Variants in TDRD3 observed in about 807,000 individuals in gnomAD.
TDRD3 encodes tudor domain containing 3.
Under a neutral mutation model 86.7 loss-of-function variants are expected in TDRD3, and 45 were observed. The observed-to-expected ratio is 0.52, with a 90% confidence interval of 0.41 to 0.67. The LOEUF (loss-of-function observed/expected upper bound fraction) is 0.67, where lower values mean the gene tolerates loss of function less well. Ranked by LOEUF, TDRD3 falls within the 30% of genes least tolerant of loss-of-function variation. The pLI, the probability that TDRD3 is intolerant of heterozygous loss-of-function variation, is 0.00. For missense variants in TDRD3, 814 were observed against 889.0 expected (o/e 0.92, Z 1.07); for synonymous variants, 298 against 301.7 (o/e 0.99, Z 0.13).
chr13:60,528,975 A>G lies in TDRD3; in HGVS notation c.1750A>G (p.Ile584Val). 1 of 1,614,078 alleles carries G rather than the reference A, an allele frequency of 6.2e-7. No homozygotes were observed. Among genetic ancestry groups the G allele is most frequent in the Non-Finnish European group, 8.5e-7 (1 of 1,179,968 alleles). Residue 584 changes from isoleucine to valine, a missense_variant, in exon 11 of 14, where the codon ATT becomes GTT. Transcript: ENST00000377881. ...YQNPVRSNSF[I>V]GVPNGEVEMP... ...GAATCCAGTTCGAAGTAATAGTTTC[A>G]TTGGTGTTCCAAATGGAGAAGTAGA...
At chr13:60,483,883 GGAAAAAGT>G in intron 6 of TDRD3, 37 bp downstream of exon 6, 1 of 1,598,268 alleles carries the variant, frequency 6.3e-7, no homozygotes, top group South Asian at 1.1e-5. Context: ...ATTTAAATTA[GGAAAAAGT>G]GTTTTTCATT....
chr13:60,504,446 G>A (rs1956893381), intron 8 of TDRD3, among the ~76,000 whole-genome samples: 1 of 152,196 alleles, frequency 6.6e-6, no homozygotes, highest in Non-Finnish European at 1.5e-5. Flanking sequence ...TGTCTGTAAA[G>A]CAGGCAGTTT....
chr13:60,414,650 G>A (rs370731432), intron 1 of TDRD3, among the ~76,000 whole-genome samples: 111 of 152,200 alleles, frequency 7.3e-4, no homozygotes, highest in African/African-American at 2.5e-3. Flanking sequence ...GTATGAATAG[G>A]GCTGCCTCAT....
chr13:60,405,895 C>T (rs769578421), intron 1 of TDRD3, among the ~76,000 whole-genome samples: 13 of 152,072 alleles, frequency 8.5e-5, no homozygotes, highest in South Asian at 2.1e-4. Flanking sequence ...AGCAGCAGAT[C>T]GACTTGACAG....
At chr13:60,537,711 A>G (rs1957728607) in intron 12 of TDRD3, 1 of 152,082 alleles carries the variant, frequency 6.6e-6, no homozygotes, top group African/African-American at 2.4e-5. Context: ...GCACAATTAC[A>G]CTATGGATTG....
chr13:60,511,457 G>C (rs1321637845), intron 10 of TDRD3, among the ~76,000 whole-genome samples: 2 of 152,228 alleles, frequency 1.3e-5, no homozygotes, highest in African/African-American at 4.8e-5. Flanking sequence ...AAAAGGCAGT[G>C]TAGCATTTGA....
chr13:60,562,513 T>C (rs1958358225), intron 12 of TDRD3, among the ~76,000 whole-genome samples: 1 of 152,214 alleles, frequency 6.6e-6, no homozygotes, highest in Non-Finnish European at 1.5e-5. Context: ...AGGTTTTATA[T>C]GAAAATCAGT....
chr13:60,480,389 A>T (rs561667953), intron 5 of TDRD3, among the ~76,000 whole-genome samples: 1 of 152,204 alleles, frequency 6.6e-6, no homozygotes, highest in East Asian at 1.9e-4. Flanking sequence ...TTCTTTTTGT[A>T]AGGCCCCTTT....
intron 12 of TDRD3, among the ~76,000 whole-genome samples, chr13:60,541,939 C>T (rs1957827177): frequency 6.6e-6 from 1 of 151,688 alleles, no homozygotes; most frequent in Admixed American, 6.6e-5. Flanking sequence ...GTTGGTCAGG[C>T]TGGTCTCGAA....
At chr13:60,454,975 G>A (rs997067844) in intron 3 of TDRD3, among the ~76,000 whole-genome samples, 9 of 151,956 alleles carry the variant, frequency 5.9e-5, no homozygotes, top group Admixed American at 3.3e-4. Flanking sequence ...GTGCAGTGGC[G>A]CGATCTCGGC....
intron 1 of TDRD3, among the ~76,000 whole-genome samples, chr13:60,406,477 T>C (rs932170999): frequency 2.0e-5 from 3 of 152,386 alleles, no homozygotes; most frequent in Non-Finnish European, 2.9e-5. Flanking sequence ...TTTTAAAATA[T>C]GGCTACAAGA....
At chr13:60,530,173 G>A (rs1464177955) in intron 11 of TDRD3, among the ~76,000 whole-genome samples, 1 of 152,004 alleles carries the variant, frequency 6.6e-6, no homozygotes, top group Non-Finnish European at 1.5e-5. Flanking sequence ...GTATCTTTTT[G>A]CACTACCATG....
intron 10 of TDRD3, among the ~76,000 whole-genome samples, chr13:60,520,999 C>T (rs1253252971): frequency 6.6e-6 from 1 of 152,150 alleles, no homozygotes; most frequent in African/African-American, 2.4e-5. Flanking sequence ...TTCTTTGTGA[C>T]TTTGTCAAAG....
At chr13:60,425,915 C>G (rs1193652753) in intron 1 of TDRD3, among the ~76,000 whole-genome samples, 2 of 152,188 alleles carry the variant, frequency 1.3e-5, no homozygotes, top group East Asian at 3.9e-4. Context: ...TATACATATA[C>G]AAAATATGTA....
At chr13:60,524,776 G>T (rs986679702) in intron 10 of TDRD3, among the ~76,000 whole-genome samples, 6 of 151,930 alleles carry the variant, frequency 3.9e-5, no homozygotes, top group African/African-American at 1.5e-4. Flanking sequence ...GAATGAAATG[G>T]ATATATATGA....
chr13:60,398,534 AG>A (rs1954006298), intron 1 of TDRD3, among the ~76,000 whole-genome samples: 1 of 152,206 alleles, frequency 6.6e-6, no homozygotes, highest in African/African-American at 2.4e-5. Context: ...TTGTGAATAA[AG>A]TTTTTGATCA....
chr13:60,434,973 C>T (rs1201728997), intron 1 of TDRD3, among the ~76,000 whole-genome samples: 1 of 152,148 alleles, frequency 6.6e-6, no homozygotes, highest in Non-Finnish European at 1.5e-5. Context: ...TACTGAAGTT[C>T]TTGAAGCACA....
intron 12 of TDRD3, among the ~76,000 whole-genome samples, chr13:60,556,394 T>C (rs1958184919): frequency 6.6e-6 from 1 of 152,238 alleles, no homozygotes; most frequent in African/African-American, 2.4e-5. Flanking sequence ...ATAGTTAATT[T>C]CAGAATATAC....
At chr13:60,453,158 T>G (rs988761711) in intron 3 of TDRD3, among the ~76,000 whole-genome samples, 1 of 152,148 alleles carries the variant, frequency 6.6e-6, no homozygotes, top group Non-Finnish European at 1.5e-5. Context: ...AAGCTAAATA[T>G]GACAATACAC....
Sources: gnomAD v4.1 joint callset for allele counts (sites outside exome capture counted in the v4.1 genomes callset) on GRCh38, gnomAD v4.1.1 for gene constraint, MANE v1.5 for transcripts, NCBI Gene and HGNC (gene_info 2026-07-23, HGNC 2026-07-21) for gene names.